The following SPINK9 variants were observed in gnomAD, a reference collection of about 807,000 sequenced individuals.
The protein encoded by SPINK9 is serine protease inhibitor Kazal-type 9.
Under a neutral mutation model 10.8 loss-of-function variants are expected in SPINK9, and 3 were observed. The observed-to-expected ratio is 0.28, with a 90% CI of 0.13 to 0.72. The LOEUF is 0.72. Ranked by LOEUF, SPINK9 falls within the 30% of genes least tolerant of loss-of-function variation. SPINK9 has a pLI of 0.74. For synonymous variants in SPINK9, 30 were observed against 31.2 expected (o/e 0.96, Z 0.12); for missense variants, 101 against 103.2 (o/e 0.98, Z 0.09).
chr5:148,337,762 A>G (rs1048150747), intron 2 of SPINK9, among the ~76,000 whole-genome samples: 6 of 152,176 alleles, frequency 3.9e-5, no homozygotes, highest in African/African-American at 1.4e-4. Context: ...TAAAGTTTAG[A>G]GAGGTAAAAA....
intron 2 of SPINK9, among the ~76,000 whole-genome samples, chr5:148,329,317 T>C (rs905774704): frequency 1.3e-5 from 2 of 152,220 alleles, no homozygotes; most frequent in African/African-American, 2.4e-5. Context: ...TATTCTCTGA[T>C]GGTAGTTTGT....
At chr5:148,324,733 T>A (rs1364048195) in intron 2 of SPINK9, among the ~76,000 whole-genome samples, 11 of 151,944 alleles carry the variant, frequency 7.2e-5, no homozygotes, top group Admixed American at 7.2e-4. Flanking sequence ...TTATTATTAA[T>A]GGGAAATAAT....
upstream of SPINK9, among the ~76,000 whole-genome samples, chr5:148,333,404 G>C (rs1757175449): frequency 6.6e-6 from 1 of 152,242 alleles, no homozygotes; most frequent in South Asian, 2.1e-4. Context: ...TACAGCAGCA[G>C]CACAGCTACT....
At chr5:148,328,984 C>T (rs1407595998) in intron 2 of SPINK9, among the ~76,000 whole-genome samples, 1 of 152,118 alleles carries the variant, frequency 6.6e-6, no homozygotes, top group Non-Finnish European at 1.5e-5. Flanking sequence ...TGTGTCTCTT[C>T]CAGGCTTTGG....
chr5:148,339,601 G>C, intron 3 of SPINK9, 66 bp from the exon 4 acceptor site: 2 of 1,422,214 alleles, frequency 1.4e-6, no homozygotes, highest in Admixed American at 1.7e-5. Context: ...CATTAGTGAA[G>C]TTTGGATGCT....
rs1219100185 is a variant in SPINK9, at chr5:148,321,590, A to T, written c.-73+190A>T. Among the ~76,000 whole-genome samples, 5 of 152,164 alleles carry T rather than the reference A, an allele frequency of 3.3e-5. No homozygotes were observed. The East Asian group carries it at 9.7e-4, about 29-fold the overall frequency. The stretch of plus-strand genomic sequence containing the variant: ...ATATTCTAATTCCAAGTCCAAGTCC[A>T]ATCCTCTTTTCATTATGCCACCCTG... On this transcript the variant is annotated intron_variant, in intron 1 of 4. Transcript: ENST00000511717.
At chr5:148,335,536 G>A (rs529032773), upstream of SPINK9, 19 of 1,300,502 alleles carry the variant, frequency 1.5e-5, no homozygotes, top group Admixed American at 2.3e-4. Flanking sequence ...AAATATATAA[G>A]GCAGGATCAA....
chr5:148,337,302 C>A (rs1171220949), intron 2 of SPINK9, among the ~76,000 whole-genome samples: 1 of 152,150 alleles, frequency 6.6e-6, no homozygotes, highest in African/African-American at 2.4e-5. Flanking sequence ...TTCTATTCTG[C>A]TGCACTAGCC....
chr5:148,332,861 G>A (rs1757168308), upstream of SPINK9, among the ~76,000 whole-genome samples: 1 of 152,162 alleles, frequency 6.6e-6, no homozygotes, highest in South Asian at 2.1e-4. Flanking sequence ...TTCACTCACT[G>A]TCAAGGAATT....
At chr5:148,339,634 C>A in intron 3 of SPINK9, 33 bp from the exon 4 acceptor site, 1 of 1,601,240 alleles carries the variant, frequency 6.2e-7, no homozygotes. Context: ...ATGGGCTCAG[C>A]ATTTCTCATT....
At position 148,338,561 on chromosome 5, in the gene SPINK9, T is replaced by C; in HGVS notation, c.171T>C (p.Asp57=). The change falls in exon 3 of 4, where the codon GAT becomes GAC. Residue 57 remains aspartate, a synonymous_variant. Coordinates refer to ENST00000377906, the MANE Select transcript of SPINK9 (RefSeq NM_001040433.2). ...HHMYDPICGS[D]GKTYKNDCFF... ...TGTATGATCCAATTTGTGGATCTGA[T>C]GGCAAAACTTATAAAAATGATTGCT... The C allele has an allele frequency of 6.2e-7, 1 of 1,602,874 alleles. No homozygotes were observed. Among genetic ancestry groups the C allele is most frequent in the African/African-American group, 1.3e-5 (1 of 74,794 alleles).
intron 3 of SPINK9, 110 bp from the exon 4 acceptor site, chr5:148,339,557 A>G: frequency 2.2e-6 from 2 of 901,810 alleles, no homozygotes; most frequent in Non-Finnish European, 3.5e-6. Context: ...AAAAACATCA[A>G]TAAGCGGGGA....
chr5:148,327,156 C>A (rs1201116948), intron 2 of SPINK9, among the ~76,000 whole-genome samples: 1 of 152,236 alleles, frequency 6.6e-6, no homozygotes, highest in Non-Finnish European at 1.5e-5. Context: ...TATTTCTCCA[C>A]ATCCTCTCCA....
At chr5:148,323,477 TAA>T (rs1757022054) in intron 1 of SPINK9, among the ~76,000 whole-genome samples, 1 of 152,184 alleles carries the variant, frequency 6.6e-6, no homozygotes, top group Non-Finnish European at 1.5e-5. Context: ...ATGCTGATGA[TAA>T]AAGACTGGTT....
chr5:148,322,907 A>G (rs1038680013), intron 1 of SPINK9, among the ~76,000 whole-genome samples: 3 of 152,120 alleles, frequency 2.0e-5, no homozygotes, highest in African/African-American at 7.2e-5. Context: ...CACGACCTTA[A>G]AAGTATCCCC....
intron 2 of SPINK9, among the ~76,000 whole-genome samples, chr5:148,337,775 T>A (rs1757235731): frequency 6.6e-6 from 1 of 152,018 alleles, no homozygotes; most frequent in Non-Finnish European, 1.5e-5. Flanking sequence ...GGTAAAAAAA[T>A]TTTTACAGGG....
upstream of SPINK9, among the ~76,000 whole-genome samples, chr5:148,334,967 T>C (rs977085375): frequency 2.0e-5 from 3 of 152,194 alleles, no homozygotes; most frequent in South Asian, 6.2e-4. Context: ...CTCTCAGAGA[T>C]AGTATGATGA....
intron 2 of SPINK9, among the ~76,000 whole-genome samples, chr5:148,330,510 G>A (rs1039918925): frequency 2.6e-5 from 4 of 152,092 alleles, no homozygotes; most frequent in Admixed American, 2.6e-4. Context: ...TTTACATTTA[G>A]GGTTAGTATT....
chr5:148,322,884 A>G (rs1322644364), intron 1 of SPINK9, among the ~76,000 whole-genome samples: 2 of 152,160 alleles, frequency 1.3e-5, no homozygotes, highest in Non-Finnish European at 2.9e-5. Context: ...TTCTTCCAGC[A>G]TTTATCAAAA....
Sources: gnomAD v4.1 joint callset for allele counts (sites outside exome capture counted in the v4.1 genomes callset) on GRCh38, gnomAD v4.1.1 for gene constraint, MANE v1.5 for transcripts, NCBI Gene and HGNC (gene_info 2026-07-23, HGNC 2026-07-21) for gene names.